Variants in CFAP43 observed in about 807,000 individuals in gnomAD.
CFAP43 encodes cilia- and flagella-associated protein 43.
Under a neutral mutation model 218.9 loss-of-function variants are expected in CFAP43, and 155 were observed. The ratio of observed to expected loss-of-function variants is 0.71; its 90% CI spans 0.62 to 0.81. The LOEUF (loss-of-function observed/expected upper bound fraction) is 0.81. Among genes scored for constraint, CFAP43 ranks in the 30% least tolerant of loss-of-function variants. CFAP43 has a pLI of 0.00. For missense variants in CFAP43, 1,778 were observed against 1,954.3 expected, an observed-to-expected ratio of 0.91 and a Z score of 1.70; for synonymous variants, 645 against 681.3, an observed-to-expected ratio of 0.95 and a Z score of 0.83.
chr10:104,170,235 T>C lies in CFAP43; in HGVS notation c.2587-1387A>G, dbSNP rs888608212. Among the ~76,000 whole-genome samples, 34 of 151,858 alleles carry C rather than the reference T, an allele frequency of 2.2e-4. 1 individual carries two copies. The highest frequency in any genetic ancestry group is 1.8e-3 in the Admixed American group (27 of 15,260). Reference sequence around the variant, plus strand: ...AAACAATATGAGGGAAACTAGCATATGGAAGGCCTTTCTCTGCACCAAATC... The same window carrying C: ...AAACAATATGAGGGAAACTAGCATACGGAAGGCCTTTCTCTGCACCAAATC... On this transcript the variant is annotated intron_variant, in intron 20 of 37. Transcript: ENST00000357060.
At chr10:104,130,371 C>T in intron 37 of CFAP43, 66 bp from the exon 38 acceptor site, 1 of 1,530,650 alleles carries the variant, frequency 6.5e-7, no homozygotes, top group East Asian at 2.3e-5. Flanking sequence ...AAGCAGCACT[C>T]AGAATCATAC....
At chr10:104,156,749 T>A (rs78791928) in intron 27 of CFAP43, among the ~76,000 whole-genome samples, 2 of 152,086 alleles carry the variant, frequency 1.3e-5, no homozygotes, top group Admixed American at 1.3e-4. Context: ...GTTTTGTACA[T>A]AACTTGTTCA....
chr10:104,182,426 A>G lies in CFAP43; in HGVS notation c.2229T>C (p.Asn743=). Residue 743 remains asparagine, a synonymous_variant, in exon 17 of 38, where the codon AAT becomes AAC. Transcript: ENST00000357060. ...ISLSSAMDKE[N]HYLSTTPKVS... ...CTTTTGGTGTTGTGCTTAAATAATG[A>G]TTCTCCTTGTCCATGGCGCTGCTCA... 6.2e-7 allele frequency: 1 copy of G among 1,612,486 alleles called. No individual in the cohort carries two copies.
At chr10:104,140,545 C>T (rs919259312) in intron 34 of CFAP43, among the ~76,000 whole-genome samples, 1 of 152,200 alleles carries the variant, frequency 6.6e-6, no homozygotes, top group African/African-American at 2.4e-5. Context: ...TGGCTCCTGC[C>T]TGTTAATTCC....
intron 12 of CFAP43, 105 bp downstream of exon 12, chr10:104,192,094 G>T: frequency 1.2e-6 from 1 of 825,010 alleles, no homozygotes; most frequent in Non-Finnish European, 1.9e-6. Flanking sequence ...CAGAAAATAT[G>T]CCACAAATAA....
intron 26 of CFAP43, 69 bp from the exon 27 acceptor site, chr10:104,161,231 A>G (rs1230882752): frequency 6.7e-7 from 1 of 1,499,984 alleles, no homozygotes; most frequent in Non-Finnish European, 8.9e-7. Flanking sequence ...AAAAGCTCAG[A>G]GTTTTTTTTA....
In CFAP43 at chr10:104,188,270, C is replaced by T; in HGVS notation, c.1687G>A (p.Val563Ile). The change falls in exon 13 of 38, where the codon GTT becomes ATT. Residue 563 changes from valine (V) to isoleucine (I), a missense_variant and splice_region_variant. By Grantham distance (29) the Val-to-Ile change is conservative (BLOSUM62 3). Coordinates refer to ENST00000357060, the MANE Select transcript of CFAP43 (RefSeq NM_025145.7). Reference sequence around the variant, plus strand: ...AACTGGCTGCTTATGTTTTCCTTACCTTGTGGCAGTAATGTAGGCAGTGTG... The same window carrying T: ...AACTGGCTGCTTATGTTTTCCTTACTTTGTGGCAGTAATGTAGGCAGTGTG... ...MFTLPTLLPQVSTTFADERGR... is the reference protein window; with the variant it reads ...MFTLPTLLPQISTTFADERGR... 6.2e-7 allele frequency: 1 copy of T among 1,613,414 alleles called. No homozygotes were observed. The highest frequency in any genetic ancestry group is 8.5e-7 in the Non-Finnish European group (1 of 1,179,688).
At chr10:104,192,927 A>G (rs1279099943) in intron 11 of CFAP43, 1 of 152,412 alleles carries the variant, frequency 6.6e-6, no homozygotes, top group East Asian at 1.9e-4. Flanking sequence ...ATCTTGGACA[A>G]TGCTTTTCCT....
At chr10:104,225,607 C>A in intron 2 of CFAP43, 50 bp from the exon 3 acceptor site, 1 of 1,435,662 alleles carries the variant, frequency 7.0e-7, no homozygotes, top group South Asian at 1.3e-5. Context: ...AGACCATGTT[C>A]AGTTAACTAT....
intron 14 of CFAP43, 37 bp downstream of exon 14, chr10:104,187,283 C>T (rs749448833): frequency 2.6e-6 from 4 of 1,538,022 alleles, no homozygotes; most frequent in Non-Finnish European, 2.6e-6. Context: ...ATCTTGATTG[C>T]TAAGATAAAT....
Position 104,206,026 on chromosome 10 carries a change from T to C in CFAP43, c.900A>G (p.Arg300=), listed in dbSNP as rs1033093004. The part of the protein sequence containing the change: ...NKIEEESPLD[R]RNFISPVTLV... ...AGGTTACTGGACTGATAAAATTTCT[T>C]CTGTCTTCTGGAAAAGAAAAACAAG... Residue 300 remains arginine (R), a synonymous_variant, in exon 7 of 38, where the codon AGA becomes AGG. Coordinates refer to ENST00000357060, the MANE Select transcript of CFAP43 (RefSeq NM_025145.7). 1 of 1,606,352 alleles carries C rather than the reference T, an allele frequency of 6.2e-7. No homozygotes were observed. Among genetic ancestry groups the C allele is most frequent in the African/African-American group, 1.3e-5 (1 of 74,518 alleles).
intron 3 of CFAP43, among the ~76,000 whole-genome samples, chr10:104,215,325 T>C (rs1167976046): frequency 6.6e-6 from 1 of 152,166 alleles, no homozygotes; most frequent in Non-Finnish European, 1.5e-5. Context: ...CAGAACTCCA[T>C]TCAGAGTTGT....
At position 104,189,941 on chromosome 10, in the gene CFAP43, G is replaced by A. The variant is rs549197740; in HGVS notation, c.1547-1531C>T. On this transcript the variant is annotated intron_variant, in intron 12 of 37. Transcript: ENST00000357060. The stretch of plus-strand genomic sequence containing the variant: ...CCAGCACTTTGGGAGGCCAAGGCGG[G>A]CGGATCATGAGGTCAGGAGATCGAG... Among the ~76,000 whole-genome samples the A allele has an allele frequency of 7.2e-5, 11 of 152,254 alleles. No individual in the cohort carries two copies. In the East Asian group the frequency reaches 2.1e-3, roughly 29 times the overall value.
At chr10:104,136,204 T>C (rs2087434162) in intron 34 of CFAP43, among the ~76,000 whole-genome samples, 1 of 123,472 alleles carries the variant, frequency 8.1e-6, no homozygotes, top group South Asian at 2.7e-4. Flanking sequence ...TGAGCCAAGA[T>C]CATACCACTG....
chr10:104,186,714 T>G (rs1423385294), intron 14 of CFAP43, among the ~76,000 whole-genome samples: 3 of 152,240 alleles, frequency 2.0e-5, no homozygotes, highest in African/African-American at 7.2e-5. Flanking sequence ...ATTCCTTCTC[T>G]GTGTCTAGTC....
In CFAP43 at chr10:104,179,043, A is replaced by T; in HGVS notation, c.2446T>A (p.Ser816Thr). The stretch of plus-strand genomic sequence containing the variant: ...ACAACACTTACAGTTTTGGAAAGTG[A>T]TTTGATTCCTTGTTTTATCTCTTTC... ...KRKEIKQGIK[S>T]LSKTILNMME... Residue 816 changes from serine to threonine, a missense_variant, in exon 19 of 38, where the codon TCA becomes ACA. By Grantham distance (58) the Ser-to-Thr change is moderately conservative (BLOSUM62 1). This residue lies in a region of CFAP43 where 1,553 missense variants were observed against 1,685.2 expected (regional missense o/e 0.92). Transcript: ENST00000357060. The T allele has an allele frequency of 2.5e-6, 4 of 1,612,734 alleles. No homozygotes were observed. Among genetic ancestry groups the T allele is most frequent in the Non-Finnish European group, 3.4e-6 (4 of 1,179,198 alleles).
chr10:104,218,241 G>A (rs748735437), intron 3 of CFAP43, among the ~76,000 whole-genome samples: 2 of 151,582 alleles, frequency 1.3e-5, no homozygotes, highest in Non-Finnish European at 2.9e-5. Context: ...CCAGCTACTC[G>A]GGAGGCTGAG....
chr10:104,158,993 T>G (rs2088727519), intron 27 of CFAP43, among the ~76,000 whole-genome samples: 1 of 152,172 alleles, frequency 6.6e-6, no homozygotes, highest in African/African-American at 2.4e-5. Context: ...TATGTACATT[T>G]GAATAATTCT....
intron 10 of CFAP43, 45 bp from the exon 11 acceptor site, chr10:104,194,059 C>CG: frequency 6.2e-7 from 1 of 1,601,136 alleles, no homozygotes. Flanking sequence ...TGTGCCTGCT[C>CG]TCCTACACGT....
Sources: gnomAD v4.1 joint callset for allele counts (sites outside exome capture counted in the v4.1 genomes callset) on GRCh38, gnomAD v4.1.1 for gene constraint, gnomAD v4.1.1 regional missense constraint, MANE v1.5 for transcripts, NCBI Gene and HGNC (gene_info 2026-07-23, HGNC 2026-07-21) for gene names.